CFAP77: variants seen among roughly 807,000 people sequenced by gnomAD.
CFAP77 encodes the protein cilia- and flagella-associated protein 77.
CFAP77 carries 25 observed loss-of-function variants against 31.1 expected under a neutral mutation model. The observed-to-expected ratio is 0.80, with a 90% CI of 0.59 to 1.12. The LOEUF (loss-of-function observed/expected upper bound fraction) is 1.12, where lower values mean the gene tolerates loss of function less well. Among genes scored for constraint, CFAP77 ranks in the 50% most tolerant of loss-of-function variants. The probability of loss-of-function intolerance (pLI) is 0.00; values close to 1 mark genes in which losing one functional copy is unlikely to be tolerated. For missense variants in CFAP77, 377 were observed against 397.3 expected, an observed-to-expected ratio of 0.95 and a Z score of 0.44; for synonymous variants, 151 against 159.9, an observed-to-expected ratio of 0.94 and a Z score of 0.42.
In CFAP77 at chr9:132,445,881, AAAAG is replaced by A. The variant is rs539893829; in HGVS notation, c.195+35427_195+35430del. ...GAGACTCGATCTCAAAAAAAAAAAA[AAAAG>A]AAAGAAAGAAAAAGAAAAACAAAAT... is the stretch of plus-strand genomic sequence containing the variant. On this transcript the variant is annotated intron_variant, in intron 1 of 5. Transcript: ENST00000393216. 1.4e-4 allele frequency among the ~76,000 whole-genome samples: 22 copies of A among 151,750 alleles called. 1 individual carries two copies. Among genetic ancestry groups the A allele is most frequent in the South Asian group, 1.0e-3 (5 of 4,808 alleles).
intron 5 of CFAP77, among the ~76,000 whole-genome samples, chr9:132,546,132 C>A (rs1254329148): frequency 6.6e-6 from 1 of 152,180 alleles, no homozygotes; most frequent in Non-Finnish European, 1.5e-5. Context: ...GACTGAACCG[C>A]CAGTACAGCC....
chr9:132,524,587 T>C (rs1852322181), intron 3 of CFAP77, among the ~76,000 whole-genome samples: 1 of 151,846 alleles, frequency 6.6e-6, no homozygotes, highest in Non-Finnish European at 1.5e-5. Context: ...CACTTCATCC[T>C]GGCCAATAGA....
At chr9:132,529,507 T>TAAAAAAAAAA (rs750691279) in intron 3 of CFAP77, among the ~76,000 whole-genome samples, 7 of 108,818 alleles carry the variant, frequency 6.4e-5, no homozygotes, top group African/African-American at 2.3e-4. Context: ...TAGAGTATAA[T>TAAAAAAAAAA]AAAAAAAAAA....
chr9:132,464,449 G>T (rs1240964936), intron 1 of CFAP77, among the ~76,000 whole-genome samples: 3 of 152,058 alleles, frequency 2.0e-5, no homozygotes, highest in African/African-American at 7.2e-5. Flanking sequence ...CAGGCCCAAA[G>T]GGTAACAATG....
rs533188161 is a variant in CFAP77 at position 132,531,618 on chromosome 9, T to G, written c.525-5983T>G. ...CCGGGCAATGAGTCTGGGCTTAGGC[T>G]AAGACATGGGGGGGGGGGCATGGAA... On this transcript the variant is annotated intron_variant, in intron 3 of 5. Coordinates refer to ENST00000393216, the MANE Select transcript of CFAP77 (RefSeq NM_001282957.2). 8.9e-4 allele frequency among the ~76,000 whole-genome samples: 94 copies of G among 105,786 alleles called. 1 individual carries two copies. In the East Asian group the frequency reaches 0.025, roughly 28 times the overall value. 69.4% of individuals were successfully genotyped at this position (105,786 alleles called of 152,430 possible). A position where few individuals can be genotyped will look rare whatever the true frequency, so the allele number is the denominator to read the frequency against.
intron 1 of CFAP77, among the ~76,000 whole-genome samples, chr9:132,467,822 A>C (rs1277975426): frequency 6.6e-6 from 1 of 152,142 alleles, no homozygotes; most frequent in Non-Finnish European, 1.5e-5. Flanking sequence ...AATGGTGCAC[A>C]AGGGTTCCAA....
rs1229019307 is a variant in CFAP77 at position 132,554,948 on chromosome 9, CCAT to C, written c.732+11903_732+11905del. On this transcript the variant is annotated intron_variant, in intron 5 of 5. Coordinates refer to ENST00000393216, the MANE Select transcript of CFAP77 (RefSeq NM_001282957.2). This position sits in a 1 kb window ranked among gnomAD's most constrained non-coding sequence, Gnocchi z 4.1. ...TGCATCCATCCATCCACCCATCCAT[CCAT>C]CCATCCATCCATCCATCCATCCATC... Among the ~76,000 whole-genome samples, 1 of 84,776 alleles carries C rather than the reference CCAT, an allele frequency of 1.2e-5. No homozygotes were observed. Among genetic ancestry groups the C allele is most frequent in the African/African-American group, 6.3e-5 (1 of 15,918 alleles). The allele number at this position is 84,776 out of a possible 152,430, so 55.6% of individuals were successfully genotyped here.
chr9:132,425,925 C>G (rs953003682), intron 1 of CFAP77, among the ~76,000 whole-genome samples: 1 of 152,170 alleles, frequency 6.6e-6, no homozygotes, highest in Non-Finnish European at 1.5e-5. Flanking sequence ...GCTTTTGCTG[C>G]TATAAAAGTT....
chr9:132,505,485 G>A (rs1851916792), intron 3 of CFAP77, among the ~76,000 whole-genome samples: 6 of 152,058 alleles, frequency 3.9e-5, no homozygotes, highest in Admixed American at 3.9e-4. Flanking sequence ...GGAAAATGGG[G>A]GTTGTGTAGA....
At chr9:132,571,737 G>A (rs183275648) in intron 5 of CFAP77, among the ~76,000 whole-genome samples, 2 of 152,300 alleles carry the variant, frequency 1.3e-5, no homozygotes, top group South Asian at 2.1e-4. Context: ...GCACTTGGAG[G>A]TGATGTAACA....
chr9:132,533,468 C>G (rs371709607), intron 3 of CFAP77, among the ~76,000 whole-genome samples: 1 of 147,226 alleles, frequency 6.8e-6, no homozygotes, highest in Non-Finnish European at 1.5e-5. Context: ...GGGCTCTAGC[C>G]GAGGACGCTT....
At chr9:132,496,214 A>G (rs1340725332) in intron 1 of CFAP77, among the ~76,000 whole-genome samples, 1 of 152,062 alleles carries the variant, frequency 6.6e-6, no homozygotes, top group African/African-American at 2.4e-5. Context: ...TTTAAAAAAA[A>G]CCTTAAAAAA....
chr9:132,516,656 G>C (rs570277578), intron 3 of CFAP77, among the ~76,000 whole-genome samples: 3 of 151,520 alleles, frequency 2.0e-5, no homozygotes, highest in Non-Finnish European at 4.4e-5. Context: ...TCTGAATGAC[G>C]TTGTTGGACT....
At chr9:132,423,759 G>T (rs992972543) in intron 1 of CFAP77, among the ~76,000 whole-genome samples, 3 of 152,196 alleles carry the variant, frequency 2.0e-5, no homozygotes, top group Admixed American at 6.5e-5. Context: ...GCCCAGAAAG[G>T]CTCAGAAACA....
intron 1 of CFAP77, among the ~76,000 whole-genome samples, chr9:132,420,640 C>T (rs1372054620): frequency 1.3e-5 from 2 of 151,216 alleles, no homozygotes; most frequent in East Asian, 3.9e-4. Flanking sequence ...CGGCCTGCAG[C>T]CTGGGTGACA....
At chr9:132,512,303 G>A (rs912555106) in intron 3 of CFAP77, among the ~76,000 whole-genome samples, 10 of 152,114 alleles carry the variant, frequency 6.6e-5, no homozygotes, top group African/African-American at 2.4e-4. Flanking sequence ...ATTTATCATT[G>A]GGTTTAGGGC....
At chr9:132,529,386 T>C (rs1464253732) in intron 3 of CFAP77, among the ~76,000 whole-genome samples, 1 of 131,650 alleles carries the variant, frequency 7.6e-6, no homozygotes, top group Non-Finnish European at 1.6e-5. Context: ...AGGGATAGCA[T>C]TGGGAGATAT....
intron 1 of CFAP77, among the ~76,000 whole-genome samples, chr9:132,411,574 G>C (rs1356913203): frequency 6.6e-6 from 1 of 152,132 alleles, no homozygotes; most frequent in Non-Finnish European, 1.5e-5. Flanking sequence ...CATCGAATAG[G>C]CTCCTTTCTT....
At chr9:132,411,888 C>T (rs1034409010) in intron 1 of CFAP77, among the ~76,000 whole-genome samples, 1 of 130,316 alleles carries the variant, frequency 7.7e-6, no homozygotes, top group Non-Finnish European at 1.7e-5. Flanking sequence ...CACACACACA[C>T]ACATACATGC....
Sources: allele counts gnomAD v4.1 joint callset (sites outside exome capture counted in the v4.1 genomes callset), GRCh38; gene constraint gnomAD v4.1.1; non-coding constraint Gnocchi (gnomAD v3.1); transcripts MANE v1.5; gene names NCBI Gene and HGNC (gene_info 2026-07-23, HGNC 2026-07-21).